NEDD4L: variants seen among roughly 807,000 people sequenced by gnomAD.
The protein encoded by NEDD4L is E3 ubiquitin-protein ligase NEDD4-like.
NEDD4L carries 54 observed loss-of-function variants against 148.9 expected under a neutral mutation model. The observed-to-expected ratio is 0.36, with a 90% CI of 0.29 to 0.45. The LOEUF is 0.45. NEDD4L is among the 20% of genes least tolerant of loss of function. The pLI, the probability that NEDD4L is intolerant of heterozygous loss-of-function variation, is 1.00. For missense variants in NEDD4L, 856 were observed against 1,233.8 expected, an observed-to-expected ratio of 0.69 and a Z score of 4.59; for synonymous variants, 433 against 440.7, an observed-to-expected ratio of 0.98 and a Z score of 0.22.
At chr18:58,234,121 CCTTCTT>C (rs2045674397) in intron 2 of NEDD4L, among the ~76,000 whole-genome samples, 1 of 27,932 alleles carries the variant, frequency 3.6e-5, no homozygotes, top group African/African-American at 9.7e-5. Flanking sequence ...CTTTTCTTTT[CCTTCTT>C]TTTTTCTTTC....
chr18:58,336,660 A>G (rs1419521288), intron 13 of NEDD4L, among the ~76,000 whole-genome samples: 1 of 152,178 alleles, frequency 6.6e-6, no homozygotes, highest in East Asian at 1.9e-4. Context: ...AACTTTACGT[A>G]TACAATTGCT....
chr18:58,202,784 G>C (rs2041562605), intron 2 of NEDD4L, among the ~76,000 whole-genome samples: 1 of 152,132 alleles, frequency 6.6e-6, no homozygotes, highest in Non-Finnish European at 1.5e-5. Flanking sequence ...TACTCCTTTT[G>C]TTTGACAAGT....
chr18:58,107,926 C>T lies in NEDD4L; in HGVS notation c.49-57862C>T, dbSNP rs185534549. Among the ~76,000 whole-genome samples, 730 of 152,058 alleles carry T rather than the reference C, an allele frequency of 4.8e-3. 7 individuals are homozygous for T. Among genetic ancestry groups the T allele is most frequent in the South Asian group, 1.0e-2 (48 of 4,810 alleles). On this transcript the variant is annotated intron_variant, in intron 1 of 30. Transcript: ENST00000400345. ...GTAAAGATGGGGTTTTGCCATCTTG[C>T]TTCTGCTGGTCGTGAACTCCTGGGC...
At chr18:58,174,102 A>G (rs1190696213) in intron 2 of NEDD4L, among the ~76,000 whole-genome samples, 1 of 151,864 alleles carries the variant, frequency 6.6e-6, no homozygotes, top group Non-Finnish European at 1.5e-5. Context: ...CCCAAGAAGA[A>G]TGAGGATATG....
At chr18:58,160,843 A>G (rs2036109028) in intron 1 of NEDD4L, among the ~76,000 whole-genome samples, 1 of 152,226 alleles carries the variant, frequency 6.6e-6, no homozygotes, top group South Asian at 2.1e-4. Context: ...AATGCTTCAG[A>G]GAGGAGTAAA....
chr18:58,186,161 A>G (rs910227729), intron 2 of NEDD4L, among the ~76,000 whole-genome samples: 13 of 152,370 alleles, frequency 8.5e-5, no homozygotes, highest in African/African-American at 3.1e-4. Flanking sequence ...GGAGTCGCAG[A>G]TTAGAAACAA....
rs546398246 is a variant in NEDD4L at position 58,291,006 on chromosome 18, C to T, written c.298-24976C>T. 1.1e-4 allele frequency among the ~76,000 whole-genome samples: 16 copies of T among 151,652 alleles called. 1 individual carries two copies. The South Asian group carries it at 2.3e-3, about 22-fold the overall frequency. On this transcript the variant is annotated intron_variant, in intron 5 of 30. Transcript: ENST00000400345. ...CACAGGGTCACACAGAGAACCAGGC[C>T]GACCGACCCACATGGTCACACAGAG...
At chr18:58,250,980 TC>T (rs1409529170) in intron 4 of NEDD4L, among the ~76,000 whole-genome samples, 1 of 152,170 alleles carries the variant, frequency 6.6e-6, no homozygotes, top group Non-Finnish European at 1.5e-5. Flanking sequence ...AGTAGCTCTG[TC>T]ATTGCCTCAC....
chr18:58,082,407 C>T (rs907479418), intron 1 of NEDD4L, among the ~76,000 whole-genome samples: 27 of 150,526 alleles, frequency 1.8e-4, no homozygotes, highest in Non-Finnish European at 2.8e-4. Flanking sequence ...TATTATTTTA[C>T]ACATCGAGAT....
intron 30 of NEDD4L, among the ~76,000 whole-genome samples, chr18:58,395,831 C>T (rs1426648534): frequency 6.6e-6 from 1 of 152,190 alleles, no homozygotes; most frequent in Non-Finnish European, 1.5e-5. Context: ...TAGACACAGT[C>T]TTAATTCGTG....
At chr18:58,171,656 G>A (rs1317316829) in intron 2 of NEDD4L, among the ~76,000 whole-genome samples, 1 of 152,260 alleles carries the variant, frequency 6.6e-6, no homozygotes, top group African/African-American at 2.4e-5. Context: ...ACACAATATG[G>A]TGTGCTGTGG....
intron 19 of NEDD4L, among the ~76,000 whole-genome samples, chr18:58,357,669 A>G (rs1383085149): frequency 1.3e-5 from 2 of 152,186 alleles, no homozygotes; most frequent in African/African-American, 4.8e-5. Flanking sequence ...AAAAATCTGT[A>G]GAAGTTTGGG....
At chr18:58,285,957 G>A (rs2053846792) in intron 5 of NEDD4L, among the ~76,000 whole-genome samples, 1 of 152,168 alleles carries the variant, frequency 6.6e-6, no homozygotes, top group Admixed American at 6.5e-5. Context: ...GCTCACCTAT[G>A]AAAAGAATTT....
intron 1 of NEDD4L, among the ~76,000 whole-genome samples, chr18:58,136,009 C>A (rs1298682303): frequency 6.6e-6 from 1 of 152,146 alleles, no homozygotes. Context: ...GCTGGCAAAC[C>A]CAGTGGTCAA....
intron 24 of NEDD4L, among the ~76,000 whole-genome samples, chr18:58,375,693 T>C (rs1447330254): frequency 6.6e-6 from 1 of 152,156 alleles, no homozygotes; most frequent in Non-Finnish European, 1.5e-5. Flanking sequence ...TGCTGTGTGC[T>C]GTATGCCCCC....
intron 5 of NEDD4L, chr18:58,255,510 G>A (rs1374713457): frequency 2.4e-6 from 3 of 1,230,890 alleles, no homozygotes; most frequent in Admixed American, 4.2e-5. Context: ...TGTCGCTCCC[G>A]GTGCCGCAGT....
intron 5 of NEDD4L, chr18:58,314,418 C>CAA (rs34786147): frequency 0.18 from 24,370 of 132,612 alleles, 2,253 homozygotes; most frequent in Non-Finnish European, 0.2. Context: ...GACTCTGTCT[C>CAA]AAAAAAAAAA....
chr18:58,357,543 C>T, intron 19 of NEDD4L: 1 of 575,872 alleles, frequency 1.7e-6, no homozygotes, highest in Non-Finnish European at 3.3e-6. Context: ...AGTCAAAATT[C>T]CCTCCCTTCC....
At chr18:58,161,317 C>T (rs1270936874) in intron 1 of NEDD4L, among the ~76,000 whole-genome samples, 23 of 152,210 alleles carry the variant, frequency 1.5e-4, no homozygotes, top group Non-Finnish European at 1.3e-4. Context: ...AGGCATGAGC[C>T]ACCGTACCCG....
Sources: allele counts gnomAD v4.1 joint callset (sites outside exome capture counted in the v4.1 genomes callset), GRCh38; gene constraint gnomAD v4.1.1; transcripts MANE v1.5; gene names NCBI Gene and HGNC (gene_info 2026-07-23, HGNC 2026-07-21).